The following KIAA1671 variants were observed in gnomAD, a reference collection of about 807,000 sequenced individuals.
KIAA1671 encodes KIAA1671.
KIAA1671 carries 52 observed loss-of-function variants against 131.2 expected under a neutral mutation model. The observed-to-expected ratio is 0.40, with a 90% confidence interval of 0.32 to 0.50. The LOEUF is 0.50. Among genes scored for constraint, KIAA1671 ranks in the 20% least tolerant of loss-of-function variants. The probability of loss-of-function intolerance (pLI) is 0.73; values close to 1 mark genes in which losing one functional copy is unlikely to be tolerated. For missense variants in KIAA1671, 2,360 were observed against 2,364.2 expected (o/e 1.00, Z 0.04); for synonymous variants, 1,003 against 961.6 (o/e 1.04, Z -0.80).
At chr22:25,116,997 TG>T (rs1931698377) in intron 6 of KIAA1671, among the ~76,000 whole-genome samples, 1 of 152,166 alleles carries the variant, frequency 6.6e-6, no homozygotes, top group Non-Finnish European at 1.5e-5. Flanking sequence ...TTTATGGCTG[TG>T]GGGGGTAAGG....
intron 5 of KIAA1671, among the ~76,000 whole-genome samples, chr22:25,046,977 T>G (rs1037239425): frequency 4.0e-5 from 6 of 151,120 alleles, no homozygotes; most frequent in African/African-American, 1.5e-4. Flanking sequence ...GAGAGTTTTT[T>G]TTTTTTTTTT....
chr22:25,174,737 G>T, intron 8 of KIAA1671: 1 of 423,182 alleles, frequency 2.4e-6, no homozygotes, highest in Non-Finnish European at 4.2e-6. Context: ...AGCATCATCA[G>T]CTCCACAGCC....
At chr22:25,085,775 AAGGGAGGAAGGG>A (rs1339228449) in intron 6 of KIAA1671, among the ~76,000 whole-genome samples, 15 of 86,770 alleles carry the variant, frequency 1.7e-4, no homozygotes, top group African/African-American at 8.2e-4. Context: ...TGAAGGAAGG[AAGGGAGGAAGGG>A]AGGGAGGGAG....
intron 1 of KIAA1671, chr22:25,012,724 C>G (rs1925104455): frequency 1.3e-5 from 2 of 152,222 alleles, no homozygotes; most frequent in African/African-American, 2.4e-5. Context: ...ACTACAACAG[C>G]TAATAGTCTG....
At chr22:25,099,540 TTTTTG>T (rs1393237984) in intron 6 of KIAA1671, among the ~76,000 whole-genome samples, 2,318 of 14,590 alleles carry the variant, frequency 0.16, 323 homozygotes, top group African/African-American at 0.37. Context: ...AATGTGGGTT[TTTTTG>T]TTTTTTTTTT....
intron 6 of KIAA1671, among the ~76,000 whole-genome samples, chr22:25,149,810 C>T (rs780969326): frequency 5.3e-5 from 8 of 151,754 alleles, no homozygotes; most frequent in Non-Finnish European, 1.0e-4. Context: ...TTATATAAGT[C>T]GCACATGGTC....
At chr22:24,968,190 G>A (rs73410618) in intron 1 of KIAA1671, among the ~76,000 whole-genome samples, 5,945 of 152,240 alleles carry the variant, frequency 0.039, 332 homozygotes, top group African/African-American at 0.12. Flanking sequence ...TTCATTAAAA[G>A]GTAGGGAAGG....
At chr22:25,185,310 A>G in intron 11 of KIAA1671, 191 bp downstream of exon 11, 1 of 644,410 alleles carries the variant, frequency 1.6e-6, no homozygotes, top group Non-Finnish European at 2.5e-6. Context: ...AGGCCGGGGA[A>G]GGAGGCCAGG....
chr22:25,111,437 G>A (rs1040315984), intron 6 of KIAA1671, among the ~76,000 whole-genome samples: 2 of 152,200 alleles, frequency 1.3e-5, no homozygotes, highest in African/African-American at 2.4e-5. Flanking sequence ...CCGCCTCCCC[G>A]AGGCCCCTCC....
chr22:24,955,898 G>A (rs1454737871), intron 1 of KIAA1671, among the ~76,000 whole-genome samples: 1 of 151,996 alleles, frequency 6.6e-6, no homozygotes, highest in Non-Finnish European at 1.5e-5. Context: ...TGGGGCAGGT[G>A]CCTGTTCTCC....
chr22:24,975,629 T>C (rs1480663303), intron 1 of KIAA1671, among the ~76,000 whole-genome samples: 1 of 152,048 alleles, frequency 6.6e-6, no homozygotes, highest in Non-Finnish European at 1.5e-5. Context: ...CATGCACATA[T>C]TGAAATATAT....
chr22:25,093,723 ACACACACACACACACT>A (rs1568950909), intron 6 of KIAA1671, among the ~76,000 whole-genome samples: 3 of 77,816 alleles, frequency 3.9e-5, no homozygotes, highest in African/African-American at 3.3e-4. Flanking sequence ...ACACACACAC[ACACACACACACACACT>A]CTCTCTCTCT....
intron 10 of KIAA1671, among the ~76,000 whole-genome samples, chr22:25,183,668 G>T (rs1312730903): frequency 6.6e-6 from 1 of 151,782 alleles, no homozygotes; most frequent in Admixed American, 6.6e-5. Flanking sequence ...GACTACAGGC[G>T]CCGGCCACCA....
intron 1 of KIAA1671, among the ~76,000 whole-genome samples, chr22:24,986,727 C>T (rs1923569903): frequency 6.7e-6 from 1 of 148,554 alleles, no homozygotes; most frequent in Non-Finnish European, 1.5e-5. Flanking sequence ...ACCCATCCAT[C>T]CATCCATCCA....
chr22:25,070,661 G>T (rs575854433), intron 6 of KIAA1671, among the ~76,000 whole-genome samples: 6 of 151,814 alleles, frequency 4.0e-5, no homozygotes, highest in African/African-American at 1.5e-4. Flanking sequence ...TCCTGGATCC[G>T]ATGTGGGCTT....
intron 6 of KIAA1671, among the ~76,000 whole-genome samples, chr22:25,166,017 G>C (rs982182224): frequency 6.6e-6 from 1 of 152,236 alleles, no homozygotes; most frequent in Non-Finnish European, 1.5e-5. Flanking sequence ...AGGGACGTGG[G>C]GGGCTGTGGA....
chr22:25,184,716 C>T (rs868370066), intron 10 of KIAA1671, among the ~76,000 whole-genome samples: 5 of 151,962 alleles, frequency 3.3e-5, no homozygotes, highest in African/African-American at 1.2e-4. Flanking sequence ...GAGCACACTA[C>T]AAATGGTGGC....
intron 6 of KIAA1671, chr22:25,063,713 T>G (rs1928305128): frequency 6.6e-6 from 1 of 152,168 alleles, no homozygotes; most frequent in African/African-American, 2.4e-5. Flanking sequence ...TATTGAAATA[T>G]AAAACAATCT....
At chr22:25,046,657 CT>C (rs1379581786) in intron 5 of KIAA1671, among the ~76,000 whole-genome samples, 3 of 152,092 alleles carry the variant, frequency 2.0e-5, no homozygotes, top group East Asian at 1.9e-4. Context: ...TTTTAAATTC[CT>C]TTTTTTCTTT....
Sources: allele counts gnomAD v4.1 joint callset (sites outside exome capture counted in the v4.1 genomes callset), GRCh38; gene constraint gnomAD v4.1.1; transcripts MANE v1.5; gene names NCBI Gene and HGNC (gene_info 2026-07-23, HGNC 2026-07-21).